Variants in UBAP1 observed in about 807,000 individuals in gnomAD.
UBAP1 encodes the protein ubiquitin associated protein 1, also known as ubiquitin-associated protein 1.
In UBAP1, 5 loss-of-function variants were observed where a neutral mutation model predicts 39.0. The ratio of observed to expected loss-of-function variants is 0.13; its 90% CI spans 0.07 to 0.27. The LOEUF (loss-of-function observed/expected upper bound fraction) is 0.27, where lower values mean the gene tolerates loss of function less well. UBAP1 is among the 10% of genes least tolerant of loss of function. The probability of loss-of-function intolerance (pLI) is 1.00; values close to 1 mark genes in which losing one functional copy is unlikely to be tolerated. For missense variants in UBAP1, 490 were observed against 608.1 expected, an observed-to-expected ratio of 0.81 and a Z score of 2.04; for synonymous variants, 211 against 225.1, an observed-to-expected ratio of 0.94 and a Z score of 0.56.
intron 1 of UBAP1, among the ~76,000 whole-genome samples, chr9:34,217,409 G>A (rs1832385332): frequency 2.0e-5 from 3 of 151,992 alleles, no homozygotes; most frequent in Non-Finnish European, 4.4e-5. Context: ...GCTAATTTTT[G>A]TATTTTTGTA....
intron 1 of UBAP1, among the ~76,000 whole-genome samples, chr9:34,182,677 TTCTTTCTCTC>T (rs1830146366): frequency 2.2e-4 from 16 of 71,984 alleles, no homozygotes; most frequent in Admixed American, 4.7e-4. Flanking sequence ...CTTTCTTTCT[TTCTTTCTCTC>T]TCTCTTTCTT....
chr9:34,194,663 T>C (rs1470554085), intron 1 of UBAP1, among the ~76,000 whole-genome samples: 1 of 152,228 alleles, frequency 6.6e-6, no homozygotes, highest in Non-Finnish European at 1.5e-5. Flanking sequence ...TATTAGAATA[T>C]TTATATAAAA....
Position 34,250,749 on chromosome 9 carries a change from C to T in UBAP1, c.1358C>T (p.Ser453Leu). 1 of 1,612,976 alleles carries T rather than the reference C, an allele frequency of 6.2e-7. No homozygotes were observed. The highest frequency in any genetic ancestry group is 8.5e-7 in the Non-Finnish European group (1 of 1,179,160). Residue 453 changes from serine to leucine, a missense_variant, in exon 6 of 7, where the codon TCA becomes TTA. Ser to Leu is a moderately radical substitution (Grantham distance 145). This residue lies in a region of UBAP1 where 339 missense variants were observed against 390.0 expected (regional missense o/e 0.87). Transcript: ENST00000297661. ...VEEALEMHQC[S>L]EEKMMEFLQL... ...GAGGCTCTGGAAATGCACCAGTGTTCAGAAGAAAAGGTGGGAATCTTCATG... is the reference window on the plus strand; with the variant it reads ...GAGGCTCTGGAAATGCACCAGTGTTTAGAAGAAAAGGTGGGAATCTTCATG...
Position 34,250,584 on chromosome 9 carries a change from T to C in UBAP1, c.1267-74T>C, listed in dbSNP as rs914323989. ...GGGGCGGAGAACGGACTTCACACAC[T>C]AGTTTGTTGAGGTCTCTTGGAAAGC... On this transcript the variant is annotated intron_variant, in intron 5 of 6. Transcript: ENST00000297661. 3 of 1,206,978 alleles carry C rather than the reference T, an allele frequency of 2.5e-6. No individual in the cohort carries two copies. The African/African-American group carries it at 4.6e-5, about 18-fold the overall frequency. The allele number at this position is 1,206,978 out of a possible 1,614,324, so 74.8% of individuals were successfully genotyped here.
At chr9:34,246,050 A>AC (rs1834160805) in intron 4 of UBAP1, among the ~76,000 whole-genome samples, 1 of 152,046 alleles carries the variant, frequency 6.6e-6, no homozygotes, top group African/African-American at 2.4e-5. Context: ...CTTTCCTTTT[A>AC]TTGCTTTAAA....
intron 1 of UBAP1, 86 bp downstream of exon 1, chr9:34,179,326 G>T (rs905996974): frequency 1.0e-5 from 10 of 972,734 alleles, no homozygotes; most frequent in Non-Finnish European, 1.3e-5. Flanking sequence ...GAAACGGGAT[G>T]GGGGGCCGAG....
intron 1 of UBAP1, among the ~76,000 whole-genome samples, chr9:34,195,816 C>T (rs947093577): frequency 2.5e-4 from 38 of 150,962 alleles, no homozygotes; most frequent in Admixed American, 1.7e-3. Flanking sequence ...AGGCTGGTCT[C>T]GAACTCCTGA....
At chr9:34,201,276 A>T (rs779429074) in intron 1 of UBAP1, 1 of 152,042 alleles carries the variant, frequency 6.6e-6, no homozygotes, top group African/African-American at 2.4e-5. Context: ...GCTGGGCATG[A>T]CTCATGCCTG....
At chr9:34,223,176 A>G (rs572579188) in intron 2 of UBAP1, among the ~76,000 whole-genome samples, 12 of 152,124 alleles carry the variant, frequency 7.9e-5, no homozygotes, top group Non-Finnish European at 1.6e-4. Context: ...CACGCCTGTA[A>G]TCCCAGCACT....
chr9:34,230,793 T>C lies in UBAP1; in HGVS notation c.35-3423T>C, dbSNP rs978020285. Among the ~76,000 whole-genome samples, 12 of 152,330 alleles carry C rather than the reference T, an allele frequency of 7.9e-5. 2 individuals carry two copies. The highest frequency in any genetic ancestry group is 3.3e-4 in the Admixed American group (5 of 15,296). ...TGTAACTTTGTTCAGATCTCAGACA[T>C]ATGCTTGTATCATGTATGAGTAATC... On this transcript the variant is annotated intron_variant, in intron 2 of 6. Transcript: ENST00000297661.
intron 3 of UBAP1, among the ~76,000 whole-genome samples, chr9:34,237,653 G>T (rs889090138): frequency 6.6e-6 from 1 of 152,010 alleles, no homozygotes; most frequent in East Asian, 1.9e-4. Flanking sequence ...CTGCAGCCTC[G>T]ACCTCCCTGA....
chr9:34,195,475 A>T (rs1830977381), intron 1 of UBAP1, among the ~76,000 whole-genome samples: 1 of 152,044 alleles, frequency 6.6e-6, no homozygotes, highest in Non-Finnish European at 1.5e-5. Context: ...TATTCTATTG[A>T]TCTGTTTGTC....
intron 2 of UBAP1, among the ~76,000 whole-genome samples, chr9:34,228,922 A>T (rs891902459): frequency 6.6e-6 from 1 of 150,534 alleles, no homozygotes; most frequent in African/African-American, 2.4e-5. Flanking sequence ...CTTTATCCCT[A>T]CCTCCTCCTT....
intron 1 of UBAP1, among the ~76,000 whole-genome samples, chr9:34,204,468 A>T (rs1307676934): frequency 4.1e-5 from 6 of 147,828 alleles, no homozygotes; most frequent in Non-Finnish European, 7.5e-5. Flanking sequence ...GTCCACACCC[A>T]TTTTTTTTTT....
intron 2 of UBAP1, among the ~76,000 whole-genome samples, chr9:34,225,010 A>G (rs1452755275): frequency 6.6e-6 from 1 of 152,226 alleles, no homozygotes; most frequent in Non-Finnish European, 1.5e-5. Context: ...TTCAGTGGCT[A>G]GCATCATAGA....
intron 4 of UBAP1, 96 bp from the exon 5 acceptor site, chr9:34,249,683 A>AT: frequency 8.4e-7 from 1 of 1,191,912 alleles, no homozygotes; most frequent in Admixed American, 2.0e-5. Flanking sequence ...TGGGGCTTGA[A>AT]TAGTGTCAGA....
intron 1 of UBAP1, among the ~76,000 whole-genome samples, chr9:34,200,179 G>C (rs576498016): frequency 6.6e-6 from 1 of 152,222 alleles, no homozygotes; most frequent in Admixed American, 6.5e-5. Context: ...AAAAATACCT[G>C]AGGTAAAGTA....
At chr9:34,220,740 G>A (rs906920519) in intron 1 of UBAP1, among the ~76,000 whole-genome samples, 168 bp from the exon 2 acceptor site, 1 of 152,128 alleles carries the variant, frequency 6.6e-6, no homozygotes, top group African/African-American at 2.4e-5. Context: ...TGGGATTACA[G>A]GCATGAGCCA....
chr9:34,227,737 G>C (rs922733267), intron 2 of UBAP1, among the ~76,000 whole-genome samples: 2 of 152,160 alleles, frequency 1.3e-5, no homozygotes, highest in Non-Finnish European at 2.9e-5. Context: ...TTAAAAAATT[G>C]AACTTAGGAA....
Sources: gnomAD v4.1 joint callset for allele counts (sites outside exome capture counted in the v4.1 genomes callset) on GRCh38, gnomAD v4.1.1 for gene constraint, gnomAD v4.1.1 regional missense constraint, MANE v1.5 for transcripts, NCBI Gene and HGNC (gene_info 2026-07-23, HGNC 2026-07-21) for gene names.